The following CNTN6 variants were observed in gnomAD, a reference collection of about 807,000 sequenced individuals.
CNTN6 encodes contactin-6.
Under a neutral mutation model 122.8 loss-of-function variants are expected in CNTN6, and 137 were observed. The observed-to-expected ratio is 1.12, with a 90% CI of 0.97 to 1.29. CNTN6 has a LOEUF of 1.29. CNTN6 is among the 50% of genes most tolerant of loss of function. The pLI, the probability that CNTN6 is intolerant of heterozygous loss-of-function variation, is 0.00. For synonymous variants in CNTN6, 570 were observed against 426.0 expected, an observed-to-expected ratio of 1.34 and a Z score of -4.16; for missense variants, 1,634 against 1,223.4, an observed-to-expected ratio of 1.34 and a Z score of -5.01.
At chr3:1,377,132 G>C in intron 17 of CNTN6, 57 bp downstream of exon 17, 1 of 1,222,152 alleles carries the variant, frequency 8.2e-7, no homozygotes, top group Non-Finnish European at 1.2e-6. Flanking sequence ...TGGCCAGAAA[G>C]AAACTGAAAA....
intron 4 of CNTN6, among the ~76,000 whole-genome samples, chr3:1,260,115 G>T (rs962629191): frequency 2.0e-5 from 3 of 152,128 alleles, no homozygotes; most frequent in Non-Finnish European, 4.4e-5. Context: ...ACAATTTAGT[G>T]AAAGTGCCTA....
At chr3:1,349,452 T>A (rs1051028099) in intron 11 of CNTN6, among the ~76,000 whole-genome samples, 4 of 151,850 alleles carry the variant, frequency 2.6e-5, no homozygotes, top group African/African-American at 7.2e-5. Flanking sequence ...AATATTTTAA[T>A]GTCGTTCATT....
chr3:1,350,084 TCTTA>T (rs374167260), intron 11 of CNTN6, among the ~76,000 whole-genome samples: 130 of 152,008 alleles, frequency 8.6e-4, no homozygotes, highest in Middle Eastern at 3.4e-3. Context: ...TAAGATGTAG[TCTTA>T]CTTTGAAGTA....
At chr3:1,388,739 C>G (rs2126211830) in intron 20 of CNTN6, among the ~76,000 whole-genome samples, 1 of 149,144 alleles carries the variant, frequency 6.7e-6, no homozygotes, top group East Asian at 2.0e-4. Context: ...GAGCTGAAAA[C>G]CAAGGCTCGA....
At chr3:1,312,519 C>A (rs564995135) in intron 7 of CNTN6, among the ~76,000 whole-genome samples, 3 of 151,644 alleles carry the variant, frequency 2.0e-5, no homozygotes, top group Admixed American at 6.6e-5. Flanking sequence ...TCCAGCTGAC[C>A]TTGGAGCCCA....
intron 7 of CNTN6, 86 bp from the exon 8 acceptor site, chr3:1,321,564 A>G: frequency 8.4e-7 from 1 of 1,192,292 alleles, no homozygotes. Flanking sequence ...ATTTTTCTTG[A>G]GAGTTATTTG....
chr3:1,148,437 TA>T (rs892446195), intron 2 of CNTN6, among the ~76,000 whole-genome samples: 14 of 148,864 alleles, frequency 9.4e-5, no homozygotes, highest in African/African-American at 3.3e-4. Context: ...GTGAAGTCTT[TA>T]AAAAATTAAA....
chr3:1,383,327 G>C lies in CNTN6; in HGVS notation c.2436G>C (p.Gln812His), dbSNP rs79507688. The change falls in exon 19 of 23, where the codon CAG (glutamine) becomes CAC (histidine). Residue 812 changes from glutamine (Q) to histidine (H), a missense_variant. By Grantham distance (24) the Gln-to-His change is conservative (BLOSUM62 0). Transcript: ENST00000446702. ...PQLAPRGTSL[Q>H]SFSASEMEVS... ...TGGCCCCAAGGGGAACTTCTCTCCA[G>C]AGTTTTTCTGCTTCTGAAATGGAGG... 3.1e-6 allele frequency: 5 copies of C among 1,613,948 alleles called. No homozygotes were observed. Among genetic ancestry groups the C allele is most frequent in the Non-Finnish European group, 3.4e-6 (4 of 1,179,936 alleles).
rs537696853 is a variant in CNTN6 at position 1,388,207 on chromosome 3, GGA to G, written c.2704+2413_2704+2414del. Among the ~76,000 whole-genome samples the G allele has an allele frequency of 6.4e-4, 96 of 150,228 alleles. 4 individuals carry two copies. The South Asian group carries it at 0.02, about 31-fold the overall frequency. On this transcript the variant is annotated intron_variant, in intron 20 of 22. Coordinates refer to ENST00000446702, the MANE Select transcript of CNTN6 (RefSeq NM_001289080.2). ...GCACTGGTTCTCCCAGCATGCAGCTGGAGATCTGAGAACTGGCACACTGCCTC... is the reference window on the plus strand; with the variant it reads ...GCACTGGTTCTCCCAGCATGCAGCTGGATCTGAGAACTGGCACACTGCCTC...
intron 1 of CNTN6, among the ~76,000 whole-genome samples, chr3:1,132,639 A>G (rs914766102): frequency 7.2e-6 from 1 of 138,878 alleles, no homozygotes; most frequent in African/African-American, 2.6e-5. Flanking sequence ...CCTGGATAAC[A>G]GAGGGAAACT....
intron 8 of CNTN6, among the ~76,000 whole-genome samples, chr3:1,323,172 TTCTTAA>T (rs1324784151): frequency 1.3e-5 from 2 of 151,782 alleles, no homozygotes; most frequent in Non-Finnish European, 2.9e-5. Context: ...ACTTATAGAA[TTCTTAA>T]TCTTAAGAAG....
rs562447056 is a variant in CNTN6 at position 1,251,477 on chromosome 3, A to G, written c.358+23484A>G. Among the ~76,000 whole-genome samples, 3 of 152,250 alleles carry G rather than the reference A, an allele frequency of 2.0e-5. No homozygotes were observed. In the South Asian group the frequency reaches 6.2e-4, roughly 32 times the overall value. The stretch of plus-strand genomic sequence containing the variant: ...ACTTCTTCTCATTAACTTTTAACTC[A>G]CTTGCTCATCACTTGCACATCAATG... On this transcript the variant is annotated intron_variant, in intron 4 of 22. Coordinates refer to ENST00000446702, the MANE Select transcript of CNTN6 (RefSeq NM_001289080.2).
intron 1 of CNTN6, among the ~76,000 whole-genome samples, chr3:1,134,154 G>A (rs1242620751): frequency 1.3e-5 from 2 of 152,124 alleles, no homozygotes; most frequent in Admixed American, 6.6e-5. Flanking sequence ...ATGTGCTTTT[G>A]ATCCGTTACT....
chr3:1,223,918 G>C (rs1559545341), intron 3 of CNTN6, among the ~76,000 whole-genome samples: 1 of 152,128 alleles, frequency 6.6e-6, no homozygotes, highest in Non-Finnish European at 1.5e-5. Context: ...GAGATAAGCA[G>C]AATATACATT....
chr3:1,335,032 C>G (rs155405), intron 11 of CNTN6, among the ~76,000 whole-genome samples: 44,550 of 151,940 alleles, frequency 0.29, 7,532 homozygotes, highest in African/African-American at 0.47. Context: ...ATTCTTCTTG[C>G]CCTTTCTTAT....
intron 1 of CNTN6, among the ~76,000 whole-genome samples, chr3:1,140,067 A>G (rs1423585249): frequency 1.3e-5 from 2 of 152,196 alleles, no homozygotes; most frequent in African/African-American, 4.8e-5. Context: ...AAGTATTACA[A>G]CTATGCCAAG....
intron 4 of CNTN6, among the ~76,000 whole-genome samples, chr3:1,277,242 T>G (rs1010593452): frequency 6.6e-6 from 1 of 152,102 alleles, no homozygotes; most frequent in Non-Finnish European, 1.5e-5. Flanking sequence ...GGTCTTCCCA[T>G]TAGATAGTAA....
chr3:1,105,241 C>G (rs2091162637), intron 1 of CNTN6, among the ~76,000 whole-genome samples: 1 of 152,072 alleles, frequency 6.6e-6, no homozygotes, highest in Non-Finnish European at 1.5e-5. Context: ...AACAGTATTT[C>G]AGTATTGCTC....
chr3:1,148,803 G>A (rs1034548904), intron 2 of CNTN6, among the ~76,000 whole-genome samples: 4 of 152,128 alleles, frequency 2.6e-5, no homozygotes, highest in Non-Finnish European at 4.4e-5. Context: ...CTGCAACTTC[G>A]ATGAGCTGAG....
Sources: allele counts gnomAD v4.1 joint callset (sites outside exome capture counted in the v4.1 genomes callset), GRCh38; gene constraint gnomAD v4.1.1; transcripts MANE v1.5; gene names NCBI Gene and HGNC (gene_info 2026-07-23, HGNC 2026-07-21).